The following PCDHGB1 variants were observed in gnomAD, a reference collection of about 807,000 sequenced individuals.
PCDHGB1 encodes protocadherin gamma-B1.
In PCDHGB1, 34 loss-of-function variants were observed where a neutral mutation model predicts 56.6. The ratio of observed to expected loss-of-function variants is 0.60; its 90% CI spans 0.46 to 0.80. PCDHGB1 has a LOEUF of 0.80. Ranked by LOEUF, PCDHGB1 falls within the 30% of genes least tolerant of loss-of-function variation. The probability of loss-of-function intolerance (pLI) is 0.00; values close to 1 mark genes in which losing one functional copy is unlikely to be tolerated. For missense variants in PCDHGB1, 1,278 were observed against 1,204.6 expected, an observed-to-expected ratio of 1.06 and a Z score of -0.90; for synonymous variants, 561 against 505.9, an observed-to-expected ratio of 1.11 and a Z score of -1.46.
rs2099735960 is a variant in PCDHGB1 at position 141,491,997 on chromosome 5, G to A, written c.2410-2810G>A. On this transcript the variant is annotated intron_variant, in intron 1 of 3. Transcript: ENST00000523390. The surrounding 1 kb of genome is among the most constrained non-coding windows in gnomAD (Gnocchi z 6.9). ...CCTTCGAGCTTCCGGTGAATTTCGG[G>A]CGATTTCCGCGGGTGTCGGGGGTCC... The A allele has an allele frequency of 1.5e-6, 1 of 671,074 alleles. No homozygotes were observed. The allele number at this position is 671,074 out of a possible 1,614,324, so 41.6% of individuals were successfully genotyped here.
rs779535322 is a variant in PCDHGB1 at position 141,398,516 on chromosome 5, C to A, written c.2409+45847C>A. ...GAGATCGAGGACATTAATGACCACACGCCAAAATTCACGCAAAATTCCTTT... is the reference window on the plus strand; with the variant it reads ...GAGATCGAGGACATTAATGACCACAAGCCAAAATTCACGCAAAATTCCTTT... On this transcript the variant is annotated intron_variant, in intron 1 of 3. Coordinates refer to ENST00000523390, the MANE Select transcript of PCDHGB1 (RefSeq NM_018922.3). The A allele has an allele frequency of 1.9e-6, 3 of 1,598,584 alleles. No individual in the cohort carries two copies. The South Asian group carries it at 3.3e-5, about 18-fold the overall frequency.
chr5:141,384,598 C>CA (rs756705007), intron 1 of PCDHGB1: 4 of 1,614,256 alleles, frequency 2.5e-6, no homozygotes, highest in Non-Finnish European at 2.5e-6. Flanking sequence ...GTACCCGGCC[C>CA]TCCCCACAGA....
intron 1 of PCDHGB1, among the ~76,000 whole-genome samples, chr5:141,359,061 T>C (rs913516585): frequency 2.0e-5 from 3 of 152,238 alleles, no homozygotes; most frequent in Non-Finnish European, 4.4e-5. Flanking sequence ...ATGCCTCAAT[T>C]TGACTTACAA....
At chr5:141,388,360 A>T in intron 1 of PCDHGB1, 4 of 1,613,996 alleles carry the variant, frequency 2.5e-6, no homozygotes, top group Non-Finnish European at 3.4e-6. Flanking sequence ...TCTGCCCATG[A>T]TGCGGATATT....
chr5:141,495,080 G>A (rs73794925), intron 2 of PCDHGB1, among the ~76,000 whole-genome samples: 1 of 152,258 alleles, frequency 6.6e-6, no homozygotes, highest in African/African-American at 2.4e-5. Flanking sequence ...TCACATGCTT[G>A]CCCCTTCCCT....
chr5:141,371,309 A>T (rs1046676611), intron 1 of PCDHGB1: 4 of 1,613,894 alleles, frequency 2.5e-6, no homozygotes, highest in African/African-American at 1.3e-5. Flanking sequence ...CCACTATTGG[A>T]GAACTGGACT....
At chr5:141,361,647 C>T (rs749825779) in intron 1 of PCDHGB1, 22 of 1,613,724 alleles carry the variant, frequency 1.4e-5, no homozygotes, top group South Asian at 3.3e-5. Flanking sequence ...TTTTATCCTA[C>T]GTGTCCGTGA....
intron 1 of PCDHGB1, chr5:141,421,164 A>G (rs1304650780): frequency 1.6e-6 from 2 of 1,286,298 alleles, no homozygotes; most frequent in African/African-American, 1.5e-5. Flanking sequence ...GACTTCATAG[A>G]TACATAAGCC....
rs768767029 is a variant in PCDHGB1, at chr5:141,477,838, G to A, written c.2410-16969G>A. The A allele has an allele frequency of 6.2e-7, 1 of 1,612,892 alleles. No individual in the cohort carries two copies. The highest frequency in any genetic ancestry group is 1.1e-5 in the South Asian group (1 of 90,982). ...AGGTCCTATATCCTCGGCCAGGTGG[G>A]AGCTCGGTGGAGATGCTGCCTCGAG... On this transcript the variant is annotated intron_variant, in intron 1 of 3. Transcript: ENST00000523390. This position sits in a 1 kb window ranked among gnomAD's most constrained non-coding sequence, Gnocchi z 4.9.
Position 141,376,131 on chromosome 5 carries a change from A to T in PCDHGB1, c.2409+23462A>T, listed in dbSNP as rs200974904. ...CTGGGCAGCCTCGAGCCCTCCGCCA[A>T]ACCCAACGATTCGGACCTCACTCTG... On this transcript the variant is annotated intron_variant, in intron 1 of 3. Transcript: ENST00000523390. 6.9e-4 allele frequency: 1,114 copies of T among 1,613,772 alleles called. 8 individuals carry two copies. Among genetic ancestry groups the T allele is most frequent in the South Asian group, 4.3e-3 (393 of 91,038 alleles).
At chr5:141,409,631 T>C (rs773588699) in intron 1 of PCDHGB1, 27 of 1,613,698 alleles carry the variant, frequency 1.7e-5, no homozygotes, top group Non-Finnish European at 2.2e-5. Context: ...AGTGAGCGCC[T>C]CTGACCCGGA....
chr5:141,360,365 T>C, intron 1 of PCDHGB1: 1 of 1,613,840 alleles, frequency 6.2e-7, no homozygotes, highest in Non-Finnish European at 8.5e-7. Flanking sequence ...TATTTCACAG[T>C]AAACCCAGAA....
At chr5:141,438,635 T>TATAC (rs1460604450) in intron 1 of PCDHGB1, among the ~76,000 whole-genome samples, 1 of 33,416 alleles carries the variant, frequency 3.0e-5, no homozygotes, top group Admixed American at 4.2e-4. Context: ...TATATATATA[T>TATAC]ACACACACAC....
chr5:141,410,629 C>A (rs1393614526), intron 1 of PCDHGB1: 1 of 1,601,482 alleles, frequency 6.2e-7, no homozygotes, highest in East Asian at 2.2e-5. Context: ...CGGTGAGTTT[C>A]TCTTTTTTGT....
Position 141,477,514 on chromosome 5 carries a change from T to G in PCDHGB1, c.2410-17293T>G. 1 of 1,614,114 alleles carries G rather than the reference T, an allele frequency of 6.2e-7. No individual in the cohort carries two copies. Among genetic ancestry groups the G allele is most frequent in the Non-Finnish European group, 8.5e-7 (1 of 1,180,026 alleles). On this transcript the variant is annotated intron_variant, in intron 1 of 3. Coordinates refer to ENST00000523390, the MANE Select transcript of PCDHGB1 (RefSeq NM_018922.3). The surrounding 1 kb of genome is among the most constrained non-coding windows in gnomAD (Gnocchi z 4.9). Reference sequence around the variant, plus strand: ...CTCAATCTTCCTACGACGTTTACATTGAAGAAAACAACCTCCCCGGGGCTC... The same window carrying G: ...CTCAATCTTCCTACGACGTTTACATGGAAGAAAACAACCTCCCCGGGGCTC...
intron 1 of PCDHGB1, among the ~76,000 whole-genome samples, chr5:141,474,420 T>C (rs1260451051): frequency 2.0e-5 from 3 of 152,226 alleles, no homozygotes; most frequent in Admixed American, 2.0e-4. Flanking sequence ...GCCTAGACCA[T>C]TGGTCCTCAC....
At chr5:141,434,693 T>C (rs2097710124) in intron 1 of PCDHGB1, among the ~76,000 whole-genome samples, 1 of 152,034 alleles carries the variant, frequency 6.6e-6, no homozygotes, top group Non-Finnish European at 1.5e-5. Context: ...TTGCTGTTAA[T>C]AAATATGTGG....
intron 1 of PCDHGB1, among the ~76,000 whole-genome samples, chr5:141,454,924 C>T (rs1252057038): frequency 6.7e-6 from 1 of 149,858 alleles, no homozygotes; most frequent in Non-Finnish European, 1.5e-5. Context: ...TCTCCTGCCT[C>T]AGCCTCCCGA....
rs1043628660 is a variant in PCDHGB1, at chr5:141,478,879, G to A, written c.2410-15928G>A. On this transcript the variant is annotated intron_variant, in intron 1 of 3. Coordinates refer to ENST00000523390, the MANE Select transcript of PCDHGB1 (RefSeq NM_018922.3). ...GATCTCAGCGATCAGAGTTTAGCTT[G>A]GTATCATTTACATTAGGAATAAGCT... is the stretch of plus-strand genomic sequence containing the variant. 9 of 1,243,630 alleles carry A rather than the reference G, an allele frequency of 7.2e-6. No homozygotes were observed. The African/African-American group carries it at 1.1e-4, about 15-fold the overall frequency. The allele number at this position is 1,243,630 out of a possible 1,614,324, so 77.0% of individuals were successfully genotyped here.
Sources: gnomAD v4.1 joint callset for allele counts (sites outside exome capture counted in the v4.1 genomes callset) on GRCh38, gnomAD v4.1.1 for gene constraint, Gnocchi (gnomAD v3.1) non-coding constraint, MANE v1.5 for transcripts, NCBI Gene and HGNC (gene_info 2026-07-23, HGNC 2026-07-21) for gene names.